HORMAD1: variants seen among roughly 807,000 people sequenced by gnomAD.
HORMAD1 encodes the protein HORMA domain-containing protein 1.
HORMAD1 carries 33 observed loss-of-function variants against 58.2 expected under a neutral mutation model. That is an observed-to-expected ratio of 0.57 (90% CI 0.43 to 0.76). The LOEUF (loss-of-function observed/expected upper bound fraction) is 0.76. Among genes scored for constraint, HORMAD1 ranks in the 30% least tolerant of loss-of-function variants. The pLI, the probability that HORMAD1 is intolerant of heterozygous loss-of-function variation, is 0.00. For missense variants in HORMAD1, 363 were observed against 462.0 expected (o/e 0.79, Z 1.96); for synonymous variants, 137 against 144.6 (o/e 0.95, Z 0.38).
rs139268043 is a variant in HORMAD1 at position 150,707,341 on chromosome 1, C to T, written c.548-532G>A. Among the ~76,000 whole-genome samples the T allele has an allele frequency of 2.9e-3, 434 of 152,234 alleles. 1 individual carries two copies. The highest frequency in any genetic ancestry group is 4.6e-3 in the Non-Finnish European group (315 of 68,006). ...TAACTTAATAATATATCTTGGATAA[C>T]GTAATTTATCAGCACCTTCTTTTTA... On this transcript the variant is annotated intron_variant, in intron 9 of 14. Coordinates refer to ENST00000361824, the MANE Select transcript of HORMAD1 (RefSeq NM_032132.5).
At position 150,720,182 on chromosome 1, in the gene HORMAD1, T is replaced by A. The variant is rs867523377; in HGVS notation, c.-34+622A>T. On this transcript the variant is annotated intron_variant, in intron 1 of 14. Transcript: ENST00000361824. ...CTCCCCCTCTGGGTTCAAGTGATTCTCCTGCCTGAGCCTCCTGAGTAGCTG... is the reference window on the plus strand; with the variant it reads ...CTCCCCCTCTGGGTTCAAGTGATTCACCTGCCTGAGCCTCCTGAGTAGCTG... Among the ~76,000 whole-genome samples the A allele has an allele frequency of 5.1e-4, 77 of 152,252 alleles. 1 individual carries two copies. The highest frequency in any genetic ancestry group is 6.8e-3 in the Middle Eastern group (2 of 294).
Position 150,700,073 on chromosome 1 carries a change from TC to T in HORMAD1, c.1104+38del. ...TCTGTAGTAATGATATTCTGATCCT[TC>T]CCATTGTATTCAAACTATACATTAT... On this transcript the variant is annotated intron_variant, in intron 14 of 14. Transcript: ENST00000361824. 5 of 939,066 alleles carry T rather than the reference TC, an allele frequency of 5.3e-6. No homozygotes were observed. In the South Asian group the frequency reaches 6.8e-5, roughly 13 times the overall value. 58.2% of individuals were successfully genotyped at this position (939,066 alleles called of 1,614,324 possible).
At chr1:150,710,188 G>A (rs1571073177) in intron 7 of HORMAD1, among the ~76,000 whole-genome samples, 1 of 152,252 alleles carries the variant, frequency 6.6e-6, no homozygotes, top group East Asian at 1.9e-4. Flanking sequence ...ATACCCACAG[G>A]TGTGGAGGGG....
intron 13 of HORMAD1, among the ~76,000 whole-genome samples, chr1:150,701,208 T>C (rs4970926): frequency 0.39 from 59,517 of 152,030 alleles, 13,336 homozygotes; most frequent in Non-Finnish European, 0.5. Flanking sequence ...GAGATCTTGC[T>C]TAATAATTTT....
chr1:150,706,870 T>A, intron 9 of HORMAD1, 61 bp from the exon 10 acceptor site: 1 of 1,382,388 alleles, frequency 7.2e-7, no homozygotes, highest in Non-Finnish European at 9.7e-7. Flanking sequence ...TAATTATTAT[T>A]ATAAAAACAC....
At position 150,700,092 on chromosome 1, in the gene HORMAD1, T is replaced by C. The variant is rs1393407130; in HGVS notation, c.1104+20A>G. 1 of 1,183,204 alleles carries C rather than the reference T, an allele frequency of 8.5e-7. No homozygotes were observed. The highest frequency in any genetic ancestry group is 1.9e-4 in the Middle Eastern group (1 of 5,252). The allele number at this position is 1,183,204 out of a possible 1,614,324, so 73.3% of individuals were successfully genotyped here. On this transcript the variant is annotated intron_variant, in intron 14 of 14. Transcript: ENST00000361824. Reference sequence around the variant, plus strand: ...GATCCTTCCCATTGTATTCAAACTATACATTATCATAAGACTTACTATTCT... The same window carrying C: ...GATCCTTCCCATTGTATTCAAACTACACATTATCATAAGACTTACTATTCT...
At chr1:150,704,066 G>T in intron 12 of HORMAD1, 52 bp downstream of exon 12, 2 of 1,182,934 alleles carry the variant, frequency 1.7e-6, no homozygotes, top group Non-Finnish European at 2.4e-6. Flanking sequence ...TAGCGCATAA[G>T]CAACTGTCCT....
chr1:150,715,332 C>G (rs34600506), intron 3 of HORMAD1, among the ~76,000 whole-genome samples: 58,487 of 151,764 alleles, frequency 0.39, 11,584 homozygotes, highest in South Asian at 0.55. Flanking sequence ...AGGCCAAGAA[C>G]TTAACGGGCT....
intron 2 of HORMAD1, among the ~76,000 whole-genome samples, chr1:150,718,573 T>C (rs758117861): frequency 6.6e-6 from 1 of 152,176 alleles, no homozygotes; most frequent in Non-Finnish European, 1.5e-5. Flanking sequence ...TTAAGTGTAA[T>C]GCAAAATCCT....
chr1:150,714,742 T>A lies in HORMAD1; in HGVS notation c.179-64A>T, dbSNP rs587642545. On this transcript the variant is annotated intron_variant, in intron 3 of 14. Transcript: ENST00000361824. The stretch of plus-strand genomic sequence containing the variant: ...AAAGTAAACAACTAGAAATTTTAAA[T>A]GAAGTTTATTTTCTTCTGCTGTGTA... 6.8e-6 allele frequency: 5 copies of A among 733,248 alleles called. No individual in the cohort carries two copies. The South Asian group carries it at 8.9e-5, about 13-fold the overall frequency. 45.4% of individuals were successfully genotyped at this position (733,248 alleles called of 1,614,324 possible).
At chr1:150,709,592 T>C (rs11579902) in intron 7 of HORMAD1, among the ~76,000 whole-genome samples, 57,540 of 150,146 alleles carry the variant, frequency 0.38, 11,325 homozygotes, top group South Asian at 0.54. Flanking sequence ...AATATGGCCT[T>C]GTGGGATGAG....
In HORMAD1 at chr1:150,714,096, G is replaced by T; in HGVS notation, c.268C>A (p.Gln90Lys). 3 of 1,528,002 alleles carry T rather than the reference G, an allele frequency of 2.0e-6. No homozygotes were observed. Among genetic ancestry groups the T allele is most frequent in the Non-Finnish European group, 2.7e-6 (3 of 1,113,574 alleles). 94.7% of individuals were successfully genotyped at this position (1,528,002 alleles called of 1,614,324 possible). A position where few individuals can be genotyped will look rare whatever the true frequency, so the allele number is the denominator to read the frequency against. The part of the protein sequence containing the change: ...KWMLGCYDAL[Q>K]KKYLRMVVLA... ...ATTGCAAGACTTACATATTTTTTCT[G>T]TAAAGCATCATAACATCCTAGCATC... Residue 90 changes from glutamine (Q) to lysine (K), a missense_variant, in exon 5 of 15, where the codon CAG becomes AAG. By Grantham distance (53) the Gln-to-Lys change is moderately conservative (BLOSUM62 1). Around this residue, in one of 3 missense-constraint regions of HORMAD1, gnomAD observed 128 missense variants for 171.8 expected, o/e 0.74. Coordinates refer to ENST00000361824, the MANE Select transcript of HORMAD1 (RefSeq NM_032132.5).
chr1:150,716,150 CTTTTTTTTT>C (rs752800084), intron 3 of HORMAD1, among the ~76,000 whole-genome samples: 2 of 68,774 alleles, frequency 2.9e-5, no homozygotes, highest in African/African-American at 1.3e-4. Flanking sequence ...CAAAGGACCA[CTTTTTTTTT>C]TTTTTTTTTT....
intron 9 of HORMAD1, 97 bp from the exon 10 acceptor site, chr1:150,706,906 G>C (rs775147215): frequency 9.0e-6 from 9 of 1,001,948 alleles, no homozygotes; most frequent in Non-Finnish European, 1.1e-5. Context: ...ATTTCAAATA[G>C]TATATAAGGG....
chr1:150,719,562 A>C, intron 1 of HORMAD1, 24 bp from the exon 2 acceptor site: 2 of 1,226,018 alleles, frequency 1.6e-6, no homozygotes, highest in Non-Finnish European at 2.3e-6. Flanking sequence ...TACAAGCTTT[A>C]ACTTAGAGCT....
intron 7 of HORMAD1, among the ~76,000 whole-genome samples, chr1:150,710,846 C>T (rs1032695436): frequency 5.9e-5 from 9 of 152,188 alleles, no homozygotes; most frequent in African/African-American, 1.7e-4. Flanking sequence ...ACAGCTATAG[C>T]GTAATGGGTA....
In HORMAD1 at chr1:150,708,264, T is replaced by C. The variant is rs1033298578; in HGVS notation, c.539A>G (p.Tyr180Cys). The change falls in exon 9 of 15, where the codon TAT (tyrosine) becomes TGT (cysteine). Residue 180 changes from tyrosine to cysteine, a missense_variant. By Grantham distance (194) the Tyr-to-Cys change is radical. This residue lies in a region of HORMAD1 where 226 missense variants were observed against 257.8 expected (regional missense o/e 0.88). Coordinates refer to ENST00000361824, the MANE Select transcript of HORMAD1 (RefSeq NM_032132.5). ...DVCLTMKLFYYDEVTPPDYQP... is the reference protein window; with the variant it reads ...DVCLTMKLFYCDEVTPPDYQP... Reference sequence around the variant, plus strand: ...TGTATTGCAAATAGTACCTTCATCATAGTAAAAAAGTTTCATGGTCAAACA... The same window carrying C: ...TGTATTGCAAATAGTACCTTCATCACAGTAAAAAAGTTTCATGGTCAAACA... The C allele has an allele frequency of 7.5e-6, 12 of 1,602,372 alleles. No homozygotes were observed. The highest frequency in any genetic ancestry group is 9.4e-6 in the Non-Finnish European group (11 of 1,174,674).
At chr1:150,716,717 A>C (rs867302308) in intron 3 of HORMAD1, among the ~76,000 whole-genome samples, 2 of 151,296 alleles carry the variant, frequency 1.3e-5, no homozygotes, top group Middle Eastern at 3.4e-3. Context: ...TAATCACACC[A>C]CTTTGGGAGG....
intron 1 of HORMAD1, among the ~76,000 whole-genome samples, chr1:150,720,406 T>C (rs1242016646): frequency 1.3e-5 from 2 of 152,124 alleles, no homozygotes; most frequent in African/African-American, 4.8e-5. Context: ...TTTCGCCATG[T>C]TGGTCAGGCT....
Sources: gnomAD v4.1 joint callset for allele counts (sites outside exome capture counted in the v4.1 genomes callset) on GRCh38, gnomAD v4.1.1 for gene constraint, gnomAD v4.1.1 regional missense constraint, MANE v1.5 for transcripts, NCBI Gene and HGNC (gene_info 2026-07-23, HGNC 2026-07-21) for gene names.